ADARB2: variants seen among roughly 807,000 people sequenced by gnomAD.
ADARB2 encodes the protein inactive double-stranded RNA-specific editase B2.
A neutral mutation model predicts 62.2 loss-of-function variants in ADARB2; 25 were observed. That is an observed-to-expected ratio of 0.40 (90% CI 0.29 to 0.56). ADARB2 has a LOEUF of 0.56. Among genes scored for constraint, ADARB2 ranks in the 20% least tolerant of loss-of-function variants. The probability of loss-of-function intolerance (pLI) is 0.43; values close to 1 mark genes in which losing one functional copy is unlikely to be tolerated. For synonymous variants in ADARB2, 572 were observed against 500.8 expected (o/e 1.14, Z -1.90); for missense variants, 1,071 against 1,077.4 (o/e 0.99, Z 0.08).
chr10:1,281,747 G>A (rs1831373094), intron 3 of ADARB2, among the ~76,000 whole-genome samples: 1 of 152,178 alleles, frequency 6.6e-6, no homozygotes, highest in Non-Finnish European at 1.5e-5. Flanking sequence ...CTAAGCCCAG[G>A]AAACTTCCAT....
At chr10:1,473,634 G>C (rs1269122388) in intron 1 of ADARB2, among the ~76,000 whole-genome samples, 1 of 152,144 alleles carries the variant, frequency 6.6e-6, no homozygotes, top group East Asian at 1.9e-4. Flanking sequence ...CACCTGCCTT[G>C]GCCTCCCAAA....
chr10:1,607,448 A>G (rs1362250633), intron 1 of ADARB2, among the ~76,000 whole-genome samples: 1 of 152,052 alleles, frequency 6.6e-6, no homozygotes, highest in Admixed American at 6.6e-5. Context: ...GTTTCTCATC[A>G]CCTAATGCTG....
chr10:1,371,714 AG>A (rs1335729524), intron 2 of ADARB2, among the ~76,000 whole-genome samples: 1 of 151,712 alleles, frequency 6.6e-6, no homozygotes, highest in East Asian at 1.9e-4. Context: ...TCAACGTCAC[AG>A]GGGAAATGCA....
At chr10:1,450,853 G>A (rs893941686) in intron 1 of ADARB2, among the ~76,000 whole-genome samples, 3 of 152,208 alleles carry the variant, frequency 2.0e-5, no homozygotes, top group Non-Finnish European at 4.4e-5. Context: ...CCCTCCACGA[G>A]CTGAAGGCTG....
chr10:1,412,782 C>G (rs568573212), intron 1 of ADARB2, among the ~76,000 whole-genome samples: 25 of 152,304 alleles, frequency 1.6e-4, no homozygotes, highest in African/African-American at 6.0e-4. Flanking sequence ...CTGTGGGAAG[C>G]TACGTTGCTT....
In ADARB2 at chr10:1,396,977, A is replaced by G. The variant is rs868567792; in HGVS notation, c.101-17817T>C. Among the ~76,000 whole-genome samples, 78 of 54,472 alleles carry G rather than the reference A, an allele frequency of 1.4e-3. 2 individuals are homozygous for G. The highest frequency in any genetic ancestry group is 2.6e-3 in the African/African-American group (43 of 16,542). The allele number at this position is 54,472 out of a possible 152,430, so 35.7% of individuals were successfully genotyped here. A position where few individuals can be genotyped will look rare whatever the true frequency, so the allele number is the denominator to read the frequency against. On this transcript the variant is annotated intron_variant, in intron 1 of 9. Coordinates refer to ENST00000381312, the MANE Select transcript of ADARB2 (RefSeq NM_018702.4). ...CCGAGTGGAGGCTTCCTGGGTCACC[A>G]TCAGCCTCTCCCCTCCCGAGTGGAG...
intron 1 of ADARB2, among the ~76,000 whole-genome samples, chr10:1,576,243 G>T (rs1376067539): frequency 5.3e-5 from 8 of 151,138 alleles, no homozygotes; most frequent in African/African-American, 1.9e-4. Context: ...GTCACAGGAG[G>T]TGGCTTAGGG....
rs1026828072 is a variant in ADARB2, at chr10:1,177,662, A to G, written c.*5531T>C. 6.6e-6 allele frequency: 1 copy of G among 152,148 alleles called. No individual in the cohort carries two copies. The highest frequency in any genetic ancestry group is 1.5e-5 in the Non-Finnish European group (1 of 68,030). The allele number at this position is 152,148 out of a possible 1,614,324, so 9.4% of individuals were successfully genotyped here. A position where few individuals can be genotyped will look rare whatever the true frequency, so the allele number is the denominator to read the frequency against. On this transcript the variant is annotated 3_prime_UTR_variant, in exon 10 of 10. Coordinates refer to ENST00000381312, the MANE Select transcript of ADARB2 (RefSeq NM_018702.4). ...GGCCTGTGTGAAAAGAGGCACTGGG[A>G]CCAGGTGATCTCGCCTTGGTGTTTA...
intron 2 of ADARB2, among the ~76,000 whole-genome samples, chr10:1,377,762 C>T (rs1275969676): frequency 1.3e-5 from 2 of 152,146 alleles, no homozygotes; most frequent in African/African-American, 2.4e-5. Flanking sequence ...TCCTAACCCC[C>T]TCCTTCCACG....
At chr10:1,415,490 G>A (rs1037453035) in intron 1 of ADARB2, among the ~76,000 whole-genome samples, 2 of 110,600 alleles carry the variant, frequency 1.8e-5, no homozygotes, top group African/African-American at 2.8e-5. Context: ...TGATACATGA[G>A]TTGGCCAGAT....
chr10:1,559,904 C>T (rs1832764616), intron 1 of ADARB2, among the ~76,000 whole-genome samples: 1 of 152,198 alleles, frequency 6.6e-6, no homozygotes, highest in African/African-American at 2.4e-5. Context: ...AGAAGCGTGT[C>T]CTCACCCTCG....
At chr10:1,656,547 A>C (rs562346320) in intron 1 of ADARB2, among the ~76,000 whole-genome samples, 6 of 152,122 alleles carry the variant, frequency 3.9e-5, no homozygotes, top group South Asian at 2.1e-4. Context: ...AGAGAGAGAG[A>C]GAGCTGCTAA....
At chr10:1,655,251 G>A (rs1834159594) in intron 1 of ADARB2, among the ~76,000 whole-genome samples, 1 of 152,202 alleles carries the variant, frequency 6.6e-6, no homozygotes, top group Admixed American at 6.5e-5. Flanking sequence ...AGAACAGAGG[G>A]GGTGTTGATA....
rs1432466265 is a variant in ADARB2, at chr10:1,437,231, TAC to T, written c.101-58073_101-58072del. ...ATAATTTGGTATACATATATATATA[TAC>T]ACACACACACATATATATACACACA... On this transcript the variant is annotated intron_variant, in intron 1 of 9. Transcript: ENST00000381312. Among the ~76,000 whole-genome samples, 570 of 146,206 alleles carry T rather than the reference TAC, an allele frequency of 3.9e-3. 6 individuals are homozygous for T. In the East Asian group the frequency reaches 0.043, roughly 11 times the overall value.
chr10:1,513,036 C>T (rs1831958024), intron 1 of ADARB2, among the ~76,000 whole-genome samples: 2 of 152,186 alleles, frequency 1.3e-5, no homozygotes, highest in East Asian at 3.8e-4. Context: ...ACATTGCATA[C>T]TGAAAATCTG....
At chr10:1,673,314 A>ATGTGTGTGTGTGTGTGTGTGTG (rs66687699) in intron 1 of ADARB2, among the ~76,000 whole-genome samples, 6 of 149,696 alleles carry the variant, frequency 4.0e-5, no homozygotes, top group South Asian at 4.3e-4. Flanking sequence ...ATTTCATTTT[A>ATGTGTGTGTGTGTGTGTGTGTG]TGTGTGTGTG....
chr10:1,218,082 G>A (rs1473160388), intron 6 of ADARB2, among the ~76,000 whole-genome samples: 4 of 152,074 alleles, frequency 2.6e-5, no homozygotes, highest in Admixed American at 1.3e-4. Context: ...ATGGAGTCTC[G>A]CTCTCTTACC....
intron 1 of ADARB2, among the ~76,000 whole-genome samples, chr10:1,662,969 C>T (rs1294281379): frequency 6.6e-6 from 1 of 152,182 alleles, no homozygotes; most frequent in African/African-American, 2.4e-5. Flanking sequence ...TGCCAATCAA[C>T]CAGACGCGGA....
At position 1,640,141 on chromosome 10, in the gene ADARB2, G is replaced by C. The variant is rs553345282; in HGVS notation, c.100+96910C>G. 2.0e-4 allele frequency among the ~76,000 whole-genome samples: 30 copies of C among 152,274 alleles called. No homozygotes were observed. The South Asian group carries it at 6.0e-3, about 30-fold the overall frequency. ...CACTATCTCCTGAGGGTGTTTTTCT[G>C]TTTCTCCCAAGGAAATTTACTCCAT... On this transcript the variant is annotated intron_variant, in intron 1 of 9. Transcript: ENST00000381312.
Sources: allele counts gnomAD v4.1 joint callset (sites outside exome capture counted in the v4.1 genomes callset), GRCh38; gene constraint gnomAD v4.1.1; transcripts MANE v1.5; gene names NCBI Gene and HGNC (gene_info 2026-07-23, HGNC 2026-07-21).